SLC37A3: variants seen among roughly 807,000 people sequenced by gnomAD.
SLC37A3 encodes the protein solute carrier family 37 member 3, also known as sugar phosphate exchanger 3.
A neutral mutation model predicts 67.1 loss-of-function variants in SLC37A3; 51 were observed. The observed-to-expected ratio is 0.76, with a 90% confidence interval of 0.61 to 0.96. The LOEUF is 0.96. Ranked by LOEUF, SLC37A3 falls within the 40% of genes least tolerant of loss-of-function variation. The pLI is 0.00. For synonymous variants in SLC37A3, 214 were observed against 231.4 expected (o/e 0.92, Z 0.68); for missense variants, 508 against 603.0 (o/e 0.84, Z 1.65).
intron 7 of SLC37A3, among the ~76,000 whole-genome samples, chr7:140,354,527 T>C (rs915028276): frequency 7.9e-5 from 12 of 152,152 alleles, no homozygotes; most frequent in African/African-American, 2.9e-4. Flanking sequence ...GTCAGTTCTA[T>C]ATTCTATAGT....
intron 3 of SLC37A3, among the ~76,000 whole-genome samples, chr7:140,374,956 G>C (rs2129713370): frequency 6.6e-6 from 1 of 152,156 alleles, no homozygotes; most frequent in Admixed American, 6.6e-5. Flanking sequence ...GACCAGCCTG[G>C]CCAATATGGT....
chr7:140,372,767 G>A (rs1797870711), intron 3 of SLC37A3, among the ~76,000 whole-genome samples: 1 of 151,884 alleles, frequency 6.6e-6, no homozygotes, highest in African/African-American at 2.4e-5. Flanking sequence ...GGAAGCTGAG[G>A]CAGTAGAATT....
At position 140,337,361 on chromosome 7, in the gene SLC37A3, G is replaced by GA. The variant is rs747804386; in HGVS notation, c.1327-13dup. ...AGAGACACTAAATACTGAAAGGGAG[G>GA]AAAAAAAAATTACAATATAATTCTT... On this transcript the variant is annotated splice_polypyrimidine_tract_variant and intron_variant, in intron 13 of 14. Coordinates refer to ENST00000326232, the MANE Select transcript of SLC37A3 (RefSeq NM_207113.3). 3.0e-4 allele frequency: 464 copies of GA among 1,542,672 alleles called. No homozygotes were observed. Among genetic ancestry groups the GA allele is most frequent in the Admixed American group, 5.8e-4 (28 of 48,454 alleles).
intron 3 of SLC37A3, among the ~76,000 whole-genome samples, chr7:140,370,135 G>T (rs1797763992): frequency 2.3e-5 from 3 of 132,076 alleles, no homozygotes; most frequent in East Asian, 4.8e-4. Flanking sequence ...GAAAAGAAAA[G>T]AAAGAAATAA....
At chr7:140,357,958 C>G (rs866595603) in intron 6 of SLC37A3, among the ~76,000 whole-genome samples, 15 of 152,006 alleles carry the variant, frequency 9.9e-5, no homozygotes, top group Admixed American at 2.0e-4. Flanking sequence ...CACCTGTAAT[C>G]CCAGCTACTT....
chr7:140,341,531 A>G (rs1796361271), intron 13 of SLC37A3, among the ~76,000 whole-genome samples: 1 of 152,184 alleles, frequency 6.6e-6, no homozygotes. Context: ...CTGGCTAAGG[A>G]CAGAGCTGAT....
chr7:140,368,817 C>T (rs944717086), intron 4 of SLC37A3, among the ~76,000 whole-genome samples: 1 of 152,158 alleles, frequency 6.6e-6, no homozygotes, highest in African/African-American at 2.4e-5. Context: ...CTCTTACATT[C>T]CACATTCAAG....
intron 1 of SLC37A3, among the ~76,000 whole-genome samples, chr7:140,385,704 A>G (rs1402243207): frequency 6.6e-6 from 1 of 152,250 alleles, no homozygotes; most frequent in Non-Finnish European, 1.5e-5. Context: ...TAAATAGACC[A>G]TCTTTTCCTA....
intron 8 of SLC37A3, chr7:140,351,662 C>T: frequency 1.7e-6 from 1 of 581,338 alleles, no homozygotes; most frequent in Non-Finnish European, 3.0e-6. Flanking sequence ...CATCTGTTTG[C>T]TTCTGTGGTT....
chr7:140,337,947 G>A (rs955928066), intron 13 of SLC37A3: 7 of 150,722 alleles, frequency 4.6e-5, no homozygotes, highest in Non-Finnish European at 1.0e-4. Context: ...CTGGAGTGCA[G>A]TGGCGCAATC....
chr7:140,340,414 G>A (rs772211165), intron 13 of SLC37A3, among the ~76,000 whole-genome samples: 79 of 151,444 alleles, frequency 5.2e-4, no homozygotes, highest in Non-Finnish European at 8.8e-5. Flanking sequence ...GAATGGTCCT[G>A]GCACCCTTGT....
intron 7 of SLC37A3, among the ~76,000 whole-genome samples, chr7:140,353,595 A>C (rs1796902894): frequency 6.6e-6 from 1 of 152,124 alleles, no homozygotes; most frequent in African/African-American, 2.4e-5. Context: ...ACTGCCCAGA[A>C]ATTGTTTTGG....
chr7:140,391,176 T>C (rs1014191358), intron 1 of SLC37A3, among the ~76,000 whole-genome samples: 2 of 96,190 alleles, frequency 2.1e-5, no homozygotes, highest in African/African-American at 8.6e-5. Context: ...TATCATACCT[T>C]TATGTCAACA....
At chr7:140,344,300 C>T (rs549098209) in intron 12 of SLC37A3, among the ~76,000 whole-genome samples, 100 of 151,418 alleles carry the variant, frequency 6.6e-4, no homozygotes, top group Middle Eastern at 6.9e-3. Flanking sequence ...TGGTAGCAGG[C>T]GCCTGTAATC....
chr7:140,355,619 T>G (rs746083898), intron 7 of SLC37A3, 49 bp downstream of exon 7: 3 of 1,486,990 alleles, frequency 2.0e-6, no homozygotes, highest in South Asian at 2.3e-5. Flanking sequence ...AATACACATG[T>G]GCACACAGAG....
chr7:140,388,570 T>C (rs1217721412), intron 1 of SLC37A3, among the ~76,000 whole-genome samples: 1 of 151,852 alleles, frequency 6.6e-6, no homozygotes, highest in Non-Finnish European at 1.5e-5. Flanking sequence ...CCCAGCACTT[T>C]GGGAGGCTGA....
At chr7:140,345,336 G>C in intron 11 of SLC37A3, 73 bp from the exon 12 acceptor site, 1 of 1,133,560 alleles carries the variant, frequency 8.8e-7, no homozygotes, top group Non-Finnish European at 1.3e-6. Context: ...AACCGTACGC[G>C]AAGATCTGAA....
chr7:140,382,948 T>C (rs1019253274), intron 1 of SLC37A3, among the ~76,000 whole-genome samples: 2 of 152,120 alleles, frequency 1.3e-5, no homozygotes, highest in African/African-American at 2.4e-5. Flanking sequence ...CTAGTAATAT[T>C]AGAAATGTAA....
chr7:140,372,405 A>G (rs888396844), intron 3 of SLC37A3, among the ~76,000 whole-genome samples: 3 of 152,184 alleles, frequency 2.0e-5, no homozygotes, highest in Non-Finnish European at 4.4e-5. Flanking sequence ...TTAAAATGTG[A>G]TGTCCTTTCA....
Sources: gnomAD v4.1 joint callset for allele counts (sites outside exome capture counted in the v4.1 genomes callset) on GRCh38, gnomAD v4.1.1 for gene constraint, MANE v1.5 for transcripts, NCBI Gene and HGNC (gene_info 2026-07-23, HGNC 2026-07-21) for gene names.